The following DNAH1 variants were observed in gnomAD, a reference collection of about 807,000 sequenced individuals.
The protein encoded by DNAH1 is dynein axonemal heavy chain 1.
A neutral mutation model predicts 484.3 loss-of-function variants in DNAH1; 327 were observed. The ratio of observed to expected loss-of-function variants is 0.68; its 90% CI spans 0.62 to 0.74. DNAH1 has a LOEUF of 0.74. Ranked by LOEUF, DNAH1 falls within the 30% of genes least tolerant of loss-of-function variation. The pLI is 0.00. For synonymous variants in DNAH1, 2,192 were observed against 2,191.9 expected (o/e 1.00, Z 0.00); for missense variants, 5,052 against 5,546.8 (o/e 0.91, Z 2.83).
At chr3:52,385,482 A>C in intron 54 of DNAH1, 35 bp downstream of exon 54, 1 of 1,529,900 alleles carries the variant, frequency 6.5e-7, no homozygotes, top group Non-Finnish European at 8.9e-7. Context: ...CCAATGCCTG[A>C]CTCTGAGGAA....
intron 45 of DNAH1, 90 bp from the exon 46 acceptor site, chr3:52,375,862 AGAT>A: frequency 6.9e-7 from 1 of 1,443,652 alleles, no homozygotes; most frequent in East Asian, 2.3e-5. Context: ...GCTTACCCCA[AGAT>A]GCTGTTTCCC....
At position 52,364,545 on chromosome 3, in the gene DNAH1, C is replaced by T; in HGVS notation, c.5245-93C>T. On this transcript the variant is annotated intron_variant, in intron 32 of 77. Transcript: ENST00000420323. The surrounding 1 kb of genome is among the most constrained non-coding windows in gnomAD (Gnocchi z 4.2). ...GAAGTGCTATGAGCTGGTGATGAGA[C>T]TTGGCCAACTGCCAGGTGGGAGGCA... 4 of 1,431,426 alleles carry T rather than the reference C, an allele frequency of 2.8e-6. No homozygotes were observed. The highest frequency in any genetic ancestry group is 3.9e-6 in the Non-Finnish European group (4 of 1,016,834). 88.7% of individuals were successfully genotyped at this position (1,431,426 alleles called of 1,614,324 possible).
Position 52,346,705 on chromosome 3 carries a change from T to G in DNAH1, c.1890T>G (p.Cys630Trp), listed in dbSNP as rs1049294824. ...TCTCACAGTTCATCAGCGACACCTG[T>G]TGCAGCGTGCTCAACTGCACCGATG... ...ASFSQFISDTCCSVLNCTDDM... is the reference protein window; with the variant it reads ...ASFSQFISDTWCSVLNCTDDM... Residue 630 changes from cysteine (C) to tryptophan (W), a missense_variant, in exon 11 of 78, where the codon TGT becomes TGG. This residue lies in a region of DNAH1 where 1,263 missense variants were observed against 1,218.8 expected (regional missense o/e 1.04). Coordinates refer to ENST00000420323, the MANE Select transcript of DNAH1 (RefSeq NM_015512.5). The G allele has an allele frequency of 4.3e-6, 7 of 1,613,842 alleles. No individual in the cohort carries two copies. Among genetic ancestry groups the G allele is most frequent in the Non-Finnish European group, 5.9e-6 (7 of 1,179,864 alleles).
rs369229247 is a variant in DNAH1, at chr3:52,378,582, C to T, written c.7199-20C>T. 2.0e-5 allele frequency: 32 copies of T among 1,612,238 alleles called. No homozygotes were observed. The highest frequency in any genetic ancestry group is 2.4e-5 in the Non-Finnish European group (28 of 1,179,332). On this transcript the variant is annotated intron_variant, in intron 46 of 77. Coordinates refer to ENST00000420323, the MANE Select transcript of DNAH1 (RefSeq NM_015512.5). ...GGGAGCTCCTGGCATGTGACCCAGGCCATTCTCCTATTCCCCCAGCTGGGG... is the reference window on the plus strand; with the variant it reads ...GGGAGCTCCTGGCATGTGACCCAGGTCATTCTCCTATTCCCCCAGCTGGGG...
upstream of DNAH1, among the ~76,000 whole-genome samples, chr3:52,312,449 C>T (rs1420490328): frequency 1.3e-5 from 2 of 150,360 alleles, no homozygotes; most frequent in Non-Finnish European, 3.0e-5. Context: ...AGGAAGTGGG[C>T]AGGAGACCCA....
chr3:52,372,095 C>T lies in DNAH1; in HGVS notation c.6666+9C>T, dbSNP rs1044782695. ...TCACCAACAAGAAGCCCGTGAGCAC[C>T]CCCCCAGGCCCTGCCTCCACTGTCC... On this transcript the variant is annotated intron_variant, in intron 42 of 77. Transcript: ENST00000420323. The T allele has an allele frequency of 8.7e-6, 14 of 1,612,734 alleles. No individual in the cohort carries two copies. The highest frequency in any genetic ancestry group is 5.0e-5 in the Admixed American group (3 of 59,970).
chr3:52,388,695 G>C (rs747227257), intron 58 of DNAH1, 86 bp downstream of exon 58: 1 of 1,606,334 alleles, frequency 6.2e-7, no homozygotes, highest in South Asian at 1.1e-5. Context: ...GGGTCCTGGG[G>C]TGGCTGTCCA....
In DNAH1 at chr3:52,391,005, C is replaced by G. The variant is rs1302797453; in HGVS notation, c.9692C>G (p.Thr3231Ser). The G allele has an allele frequency of 6.4e-7, 1 of 1,555,110 alleles. No homozygotes were observed. The highest frequency in any genetic ancestry group is 8.7e-7 in the Non-Finnish European group (1 of 1,149,072). ...GVINQFSQRW[T>S]HFIDPQSQAN... ...ATCAACCAGTTTTCCCAGCGCTGGA[C>G]CCACTTCATTGACCCTCAGAGCCAG... Residue 3231 changes from threonine (T) to serine (S), a missense_variant, in exon 61 of 78, where the codon ACC becomes AGC. Around this residue, in one of 4 missense-constraint regions of DNAH1, gnomAD observed 2,929 missense variants for 3,409.4 expected, o/e 0.86. Coordinates refer to ENST00000420323, the MANE Select transcript of DNAH1 (RefSeq NM_015512.5).
chr3:52,354,664 C>T (rs1167600648), intron 20 of DNAH1, among the ~76,000 whole-genome samples, 179 bp from the exon 21 acceptor site: 1 of 152,040 alleles, frequency 6.6e-6, no homozygotes, highest in Non-Finnish European at 1.5e-5. Flanking sequence ...TGAATTGGCC[C>T]TGAATTCAGA....
intron 62 of DNAH1, 45 bp downstream of exon 62, chr3:52,391,373 G>T: frequency 6.3e-7 from 1 of 1,592,182 alleles, no homozygotes; most frequent in Non-Finnish European, 8.6e-7. Flanking sequence ...GGCCTGGACA[G>T]GGCAGTCCCC....
chr3:52,399,624 C>A lies in DNAH1; in HGVS notation c.12521C>A (p.Ala4174Asp). The change falls in exon 77 of 78, where the codon GCC (alanine) becomes GAC (aspartate). Residue 4174 changes from alanine to aspartate, a missense_variant. Ala to Asp is a moderately radical substitution (Grantham distance 126). Coordinates refer to ENST00000420323, the MANE Select transcript of DNAH1 (RefSeq NM_015512.5). ...CYIHGLFLEG[A>D]RWDPEAFQLA... ...ATCCATGGATTATTCCTGGAAGGTG[C>A]CCGCTGGGATCCAGAGGCCTTCCAG... 1 of 1,613,996 alleles carries A rather than the reference C, an allele frequency of 6.2e-7. No homozygotes were observed. Among genetic ancestry groups the A allele is most frequent in the Non-Finnish European group, 8.5e-7 (1 of 1,179,892 alleles).
chr3:52,362,623 G>A lies in DNAH1; in HGVS notation c.5094+122G>A, dbSNP rs954076050. The A allele has an allele frequency of 7.6e-6, 7 of 924,698 alleles. No individual in the cohort carries two copies. The highest frequency in any genetic ancestry group is 2.2e-4 in the Middle Eastern group (1 of 4,648). The allele number at this position is 924,698 out of a possible 1,614,324, so 57.3% of individuals were successfully genotyped here. A position where few individuals can be genotyped will look rare whatever the true frequency, so the allele number is the denominator to read the frequency against. On this transcript the variant is annotated intron_variant, in intron 31 of 77. Transcript: ENST00000420323. This position sits in a 1 kb window ranked among gnomAD's most constrained non-coding sequence, Gnocchi z 5.1. ...CCAGGGACTGTGATTCCCTATGGTAGCCCCTTAGCCATGGAGGGGAGGCCT... is the reference window on the plus strand; with the variant it reads ...CCAGGGACTGTGATTCCCTATGGTAACCCCTTAGCCATGGAGGGGAGGCCT...
chr3:52,387,695 C>A (rs1367421633), intron 56 of DNAH1, among the ~76,000 whole-genome samples: 1 of 152,172 alleles, frequency 6.6e-6, no homozygotes, highest in Non-Finnish European at 1.5e-5. Context: ...CCCCTGGGAG[C>A]TCGTGAGCAA....
chr3:52,350,543 C>A lies in DNAH1; in HGVS notation c.2682C>A (p.Val894=). ...TGAAGGTCATGGATGACTACCAGGT[C>A]ATGGATGAATTCCTCTACAACCTCA... ...RIVKVMDDYQ[V]MDEFLYNLSS... Residue 894 remains valine (V), a synonymous_variant, in exon 16 of 78, where the codon GTC becomes GTA. Transcript: ENST00000420323. The A allele has an allele frequency of 1.2e-6, 2 of 1,613,974 alleles. No individual in the cohort carries two copies. Among genetic ancestry groups the A allele is most frequent in the African/African-American group, 1.3e-5 (1 of 75,054 alleles).
chr3:52,360,235 C>T, intron 27 of DNAH1, 76 bp from the exon 28 acceptor site: 3 of 1,509,376 alleles, frequency 2.0e-6, no homozygotes, highest in South Asian at 1.2e-5. Context: ...CAAAAAGAAC[C>T]CTCTCTCCTT....
In DNAH1 at chr3:52,331,281, C is replaced by T; in HGVS notation, c.1005C>T (p.Pro335=). ...KGLVRDEMGR[P]ILNAGVTTEG... ...TGGTGCGAGATGAGATGGGGAGGCC[C>T]ATCCTGAATGCAGGGGTCACCACTG... Residue 335 remains proline (P), a synonymous_variant, in exon 7 of 78, where the codon CCC becomes CCT. Coordinates refer to ENST00000420323, the MANE Select transcript of DNAH1 (RefSeq NM_015512.5). 3 of 1,609,790 alleles carry T rather than the reference C, an allele frequency of 1.9e-6. No homozygotes were observed. Among genetic ancestry groups the T allele is most frequent in the Non-Finnish European group, 2.5e-6 (3 of 1,178,198 alleles).
chr3:52,342,679 C>A (rs1344438878), intron 8 of DNAH1, among the ~76,000 whole-genome samples: 1 of 152,124 alleles, frequency 6.6e-6, no homozygotes, highest in East Asian at 1.9e-4. Flanking sequence ...GACCAGGGAC[C>A]CCTCCGTAGG....
At chr3:52,367,735 G>A (rs1703147186) in intron 36 of DNAH1, among the ~76,000 whole-genome samples, 4 of 152,178 alleles carry the variant, frequency 2.6e-5, no homozygotes, top group African/African-American at 4.8e-5. Context: ...CACCATGCCC[G>A]GCTAATTTTG....
chr3:52,381,649 G>A lies in DNAH1; in HGVS notation c.7618G>A (p.Val2540Met), dbSNP rs372646577. 13 of 1,605,060 alleles carry A rather than the reference G, an allele frequency of 8.1e-6. No homozygotes were observed. The highest frequency in any genetic ancestry group is 6.7e-5 in the African/African-American group (5 of 74,864). ...LITSESKMMQ[V>M]IEEYIEDYNQ... ...TCGCCTTGGTGCACAGATGATGCAG[G>A]TGATAGAGGAGTACATAGAGGACTA... The change falls in exon 49 of 78, where the codon GTG (valine) becomes ATG (methionine). Residue 2540 changes from valine to methionine, a missense_variant. This residue lies in a region of DNAH1 where 2,929 missense variants were observed against 3,409.4 expected (regional missense o/e 0.86). Transcript: ENST00000420323. This position sits in a 1 kb window ranked among gnomAD's most constrained non-coding sequence, Gnocchi z 4.1.
Sources: gnomAD v4.1 joint callset for allele counts (sites outside exome capture counted in the v4.1 genomes callset) on GRCh38, gnomAD v4.1.1 for gene constraint, gnomAD v4.1.1 regional missense constraint, Gnocchi (gnomAD v3.1) non-coding constraint, MANE v1.5 for transcripts, NCBI Gene and HGNC (gene_info 2026-07-23, HGNC 2026-07-21) for gene names.